The following MGAT5 variants were observed in gnomAD, a reference collection of about 807,000 sequenced individuals.
MGAT5 encodes alpha-1,6-mannosylglycoprotein 6-beta-N-acetylglucosaminyltransferase A.
A neutral mutation model predicts 94.3 loss-of-function variants in MGAT5; 30 were observed. The ratio of observed to expected loss-of-function variants is 0.32; its 90% CI spans 0.24 to 0.43. The LOEUF (loss-of-function observed/expected upper bound fraction) is 0.43, where lower values mean the gene tolerates loss of function less well. Ranked by LOEUF, MGAT5 falls within the 20% of genes least tolerant of loss-of-function variation. The pLI is 1.00. For synonymous variants in MGAT5, 310 were observed against 322.9 expected, an observed-to-expected ratio of 0.96 and a Z score of 0.43; for missense variants, 691 against 905.5, an observed-to-expected ratio of 0.76 and a Z score of 3.04.
intron 13 of MGAT5, among the ~76,000 whole-genome samples, chr2:134,423,984 A>G (rs1342591544): frequency 6.6e-6 from 1 of 152,216 alleles, no homozygotes; most frequent in Non-Finnish European, 1.5e-5. Flanking sequence ...AGAGGAATAG[A>G]TGTCTGCAAG....
At chr2:134,227,432 C>G (rs1465423501) in intron 1 of MGAT5, among the ~76,000 whole-genome samples, 1 of 152,228 alleles carries the variant, frequency 6.6e-6, no homozygotes. Flanking sequence ...GCTTCAGAGA[C>G]TAGCTATTCC....
chr2:134,429,564 G>A (rs1369814418), intron 14 of MGAT5, among the ~76,000 whole-genome samples: 2 of 152,226 alleles, frequency 1.3e-5, no homozygotes, highest in Admixed American at 6.5e-5. Context: ...TAGGGCTGAT[G>A]TGAGGATTTA....
chr2:134,377,991 G>A (rs1369538622), intron 10 of MGAT5, among the ~76,000 whole-genome samples: 1 of 152,156 alleles, frequency 6.6e-6, no homozygotes, highest in East Asian at 1.9e-4. Context: ...CTGCTTAGAA[G>A]GCCTTCAAAC....
chr2:134,155,391 G>C (rs1336437036), intron 1 of MGAT5, among the ~76,000 whole-genome samples: 1 of 152,234 alleles, frequency 6.6e-6, no homozygotes, highest in African/African-American at 2.4e-5. Flanking sequence ...TGAGAGCTTG[G>C]TTTCTGAAGT....
chr2:134,377,406 T>G (rs1287080150), intron 10 of MGAT5, among the ~76,000 whole-genome samples: 3 of 152,232 alleles, frequency 2.0e-5, no homozygotes, highest in African/African-American at 7.2e-5. Flanking sequence ...CTTCCTCTGA[T>G]TCTTTCCCCC....
At chr2:134,152,899 CTT>C (rs35135371) in intron 1 of MGAT5, among the ~76,000 whole-genome samples, 23 of 117,268 alleles carry the variant, frequency 2.0e-4, no homozygotes, top group African/African-American at 7.0e-4. Context: ...ATGGAGTCCA[CTT>C]TTTTTTTTTT....
rs1558978272 is a variant in MGAT5 at position 134,189,614 on chromosome 2, T to TGTTTTGTTTTG, written c.-142-64648_-142-64647insGTTTTGTTTTG. Reference sequence around the variant, plus strand: ...CTAGTTTTTTTTTGTTTTTTTTTTTTTTTTTTAAGACAGAGTCTCGCTCTG... The same window carrying TGTTTTGTTTTG: ...CTAGTTTTTTTTTGTTTTTTTTTTTTGTTTTGTTTTGTTTTTTAAGACAGAGTCTCGCTCTG... On this transcript the variant is annotated intron_variant, in intron 1 of 16. Transcript: ENST00000409645. 1.7e-3 allele frequency among the ~76,000 whole-genome samples: 241 copies of TGTTTTGTTTTG among 139,618 alleles called. 8 individuals are homozygous for TGTTTTGTTTTG. Among genetic ancestry groups the TGTTTTGTTTTG allele is most frequent in the African/African-American group, 6.2e-3 (228 of 36,936 alleles). The allele number at this position is 139,618 out of a possible 152,430, so 91.6% of individuals were successfully genotyped here.
At chr2:134,153,559 G>A (rs891012616) in intron 1 of MGAT5, among the ~76,000 whole-genome samples, 9 of 152,124 alleles carry the variant, frequency 5.9e-5, no homozygotes, top group East Asian at 5.8e-4. Context: ...CATTGAACTC[G>A]ATGGTCTCCC....
At chr2:134,388,947 G>A (rs35260407) in intron 10 of MGAT5, among the ~76,000 whole-genome samples, 25,608 of 152,008 alleles carry the variant, frequency 0.17, 2,319 homozygotes, top group Middle Eastern at 0.26. Context: ...TTTTAGTAGA[G>A]ATGGGGTTTC....
chr2:134,363,701 C>T (rs993829318), intron 10 of MGAT5, among the ~76,000 whole-genome samples: 4 of 152,174 alleles, frequency 2.6e-5, no homozygotes, highest in African/African-American at 7.2e-5. Flanking sequence ...GGAAAACCCT[C>T]GGCTGGTAAG....
At chr2:134,189,067 C>T (rs1573822589) in intron 1 of MGAT5, among the ~76,000 whole-genome samples, 2 of 152,174 alleles carry the variant, frequency 1.3e-5, no homozygotes, top group East Asian at 1.9e-4. Context: ...CTGCCTGGCA[C>T]GTTGATGTGT....
chr2:134,259,544 G>C (rs555462384), intron 1 of MGAT5, among the ~76,000 whole-genome samples: 3 of 152,300 alleles, frequency 2.0e-5, no homozygotes, highest in Non-Finnish European at 2.9e-5. Flanking sequence ...TACTGTCCTA[G>C]AAAAGCTGCC....
intron 1 of MGAT5, among the ~76,000 whole-genome samples, chr2:134,126,947 C>T (rs1047511936): frequency 1.5e-4 from 23 of 151,986 alleles, no homozygotes; most frequent in Admixed American, 8.5e-4. Flanking sequence ...GCATCCATGC[C>T]GGTGAGGAGT....
At chr2:134,425,909 T>TA (rs202189433) in intron 13 of MGAT5, among the ~76,000 whole-genome samples, 1 of 151,228 alleles carries the variant, frequency 6.6e-6, no homozygotes, top group Admixed American at 6.6e-5. Flanking sequence ...TTTTTTTTTT[T>TA]AAACAAAGCA....
chr2:134,438,034 T>A (rs902583055), intron 14 of MGAT5, among the ~76,000 whole-genome samples: 1 of 139,170 alleles, frequency 7.2e-6, no homozygotes, highest in Non-Finnish European at 1.5e-5. Flanking sequence ...AAAAAAAGAT[T>A]TACAGGTTGA....
intron 1 of MGAT5, among the ~76,000 whole-genome samples, chr2:134,212,823 A>C (rs571018726): frequency 6.6e-6 from 1 of 152,316 alleles, no homozygotes; most frequent in East Asian, 1.9e-4. Flanking sequence ...TCTATTATTC[A>C]GTTCCAGTGT....
chr2:134,441,652 C>A, intron 14 of MGAT5, 106 bp from the exon 15 acceptor site: 1 of 1,346,074 alleles, frequency 7.4e-7, no homozygotes, highest in Non-Finnish European at 1.0e-6. Flanking sequence ...TTCCCCGTCC[C>A]TGTGCTCTCC....
At chr2:134,196,324 G>A (rs774614493) in intron 1 of MGAT5, among the ~76,000 whole-genome samples, 20 of 151,376 alleles carry the variant, frequency 1.3e-4, no homozygotes, top group Non-Finnish European at 1.9e-4. Flanking sequence ...ATTTTAGGCC[G>A]TTGCTTCTGG....
intron 1 of MGAT5, among the ~76,000 whole-genome samples, chr2:134,270,172 T>C (rs1256427577): frequency 6.6e-6 from 1 of 152,252 alleles, no homozygotes; most frequent in Non-Finnish European, 1.5e-5. Flanking sequence ...TGTTACTTAT[T>C]GCCAGACTTG....
Sources: gnomAD v4.1 joint callset for allele counts (sites outside exome capture counted in the v4.1 genomes callset) on GRCh38, gnomAD v4.1.1 for gene constraint, MANE v1.5 for transcripts, NCBI Gene and HGNC (gene_info 2026-07-23, HGNC 2026-07-21) for gene names.